TPRG1: variants seen among roughly 807,000 people sequenced by gnomAD.
The protein encoded by TPRG1 is tumor protein p63-regulated gene 1 protein.
In TPRG1, 29 loss-of-function variants were observed where a neutral mutation model predicts 29.3. The observed-to-expected ratio is 0.99, with a 90% CI of 0.74 to 1.35. The LOEUF (loss-of-function observed/expected upper bound fraction) is 1.35, where lower values mean the gene tolerates loss of function less well. TPRG1 is among the 40% of genes most tolerant of loss of function. The pLI, the probability that TPRG1 is intolerant of heterozygous loss-of-function variation, is 0.00. For synonymous variants in TPRG1, 130 were observed against 116.8 expected (o/e 1.11, Z -0.73); for missense variants, 327 against 335.0 (o/e 0.98, Z 0.19).
At chr3:189,201,735 C>T (rs890724782) in intron 1 of TPRG1, among the ~76,000 whole-genome samples, 2 of 152,016 alleles carry the variant, frequency 1.3e-5, no homozygotes, top group South Asian at 2.1e-4. Context: ...CTGCAACCTC[C>T]GCCTCCCAGG....
chr3:189,026,277 CAG>C (rs546905710), intron 4 of TPRG1, among the ~76,000 whole-genome samples: 3 of 152,056 alleles, frequency 2.0e-5, no homozygotes, highest in Non-Finnish European at 4.4e-5. Context: ...GAGAAAACGA[CAG>C]AGAGAGAGAG....
At chr3:189,262,048 GA>G (rs1171619146) in intron 4 of TPRG1, among the ~76,000 whole-genome samples, 1 of 152,068 alleles carries the variant, frequency 6.6e-6, no homozygotes, top group Non-Finnish European at 1.5e-5. Context: ...AAAAAGATAA[GA>G]ATGGTGACAA....
intron 3 of TPRG1, among the ~76,000 whole-genome samples, chr3:189,005,885 T>C (rs538127979): frequency 6.6e-6 from 1 of 152,152 alleles, no homozygotes; most frequent in South Asian, 2.1e-4. Context: ...AAAGGCACTA[T>C]ACAAAACAGG....
intron 4 of TPRG1, among the ~76,000 whole-genome samples, chr3:189,033,665 C>G (rs1304013945): frequency 6.6e-6 from 1 of 151,746 alleles, no homozygotes; most frequent in Non-Finnish European, 1.5e-5. Context: ...CTGCAAGCTC[C>G]ACCTCCCGGG....
At chr3:189,117,615 T>C (rs1195710910) in intron 1 of TPRG1, among the ~76,000 whole-genome samples, 3 of 152,190 alleles carry the variant, frequency 2.0e-5, no homozygotes, top group Non-Finnish European at 2.9e-5. Flanking sequence ...AGGGACCCCA[T>C]GGGAGGTAAT....
At chr3:189,139,921 G>A (rs949439051) in intron 3 of TPRG1, among the ~76,000 whole-genome samples, 11 of 152,146 alleles carry the variant, frequency 7.2e-5, no homozygotes, top group Non-Finnish European at 1.6e-4. Context: ...TCCGTGCAGA[G>A]CAGAGAACCC....
intron 4 of TPRG1, among the ~76,000 whole-genome samples, chr3:189,049,233 A>G (rs1715157794): frequency 6.6e-6 from 1 of 152,232 alleles, no homozygotes; most frequent in African/African-American, 2.4e-5. Context: ...GCTGGGAGGC[A>G]GATAGCCTCA....
chr3:189,040,663 C>A (rs184320180), intron 4 of TPRG1, among the ~76,000 whole-genome samples: 8 of 152,288 alleles, frequency 5.3e-5, no homozygotes, highest in African/African-American at 1.9e-4. Context: ...ATGGAAAAAA[C>A]CCCTTTCTCC....
intron 2 of TPRG1, among the ~76,000 whole-genome samples, chr3:189,128,140 C>T (rs1010446875): frequency 6.6e-6 from 1 of 152,122 alleles, no homozygotes; most frequent in Non-Finnish European, 1.5e-5. Context: ...TGCACAATTG[C>T]AAGATGAGTC....
At chr3:189,001,896 GT>G (rs1712041624) in intron 2 of TPRG1, among the ~76,000 whole-genome samples, 1 of 152,188 alleles carries the variant, frequency 6.6e-6, no homozygotes, top group African/African-American at 2.4e-5. Flanking sequence ...GTGTGTTGCT[GT>G]TTTACTTATC....
At chr3:189,164,503 C>T (rs1727899772) in intron 5 of TPRG1, among the ~76,000 whole-genome samples, 1 of 152,030 alleles carries the variant, frequency 6.6e-6, no homozygotes, top group African/African-American at 2.4e-5. Context: ...TGGCTCGAAA[C>T]ACAGTTGTGA....
At chr3:189,065,598 A>G (rs1716386555) in intron 4 of TPRG1, among the ~76,000 whole-genome samples, 1 of 152,138 alleles carries the variant, frequency 6.6e-6, no homozygotes, top group South Asian at 2.1e-4. Context: ...CAGAAAAAAT[A>G]TTTCACAATA....
In TPRG1 at chr3:189,034,244, T is replaced by A. The variant is rs148437369; in HGVS notation, c.-463+10298T>A. Among the ~76,000 whole-genome samples, 390 of 152,276 alleles carry A rather than the reference T, an allele frequency of 2.6e-3. 2 individuals are homozygous for A. Among genetic ancestry groups the A allele is most frequent in the African/African-American group, 8.2e-3 (343 of 41,576 alleles). On this transcript the variant is annotated intron_variant, in intron 4 of 10. Coordinates refer to the TPRG1 transcript ENST00000433971. ...AAGGAGGAATTACAATAAATATAAA[T>A]GAATTATCTTACCAGTCAAAATCAA...
At chr3:189,018,172 T>C (rs1478406969) in intron 3 of TPRG1, among the ~76,000 whole-genome samples, 4 of 150,458 alleles carry the variant, frequency 2.7e-5, no homozygotes, top group South Asian at 2.1e-4. Context: ...TTCTCCCATT[T>C]TGTAGGTTGC....
intron 4 of TPRG1, among the ~76,000 whole-genome samples, chr3:189,073,330 C>T (rs1440389451): frequency 6.6e-6 from 1 of 152,150 alleles, no homozygotes; most frequent in Admixed American, 6.5e-5. Context: ...CTCTTTTGTT[C>T]GGTCCTGTTA....
At chr3:189,263,275 T>G (rs1462504241) in intron 4 of TPRG1, among the ~76,000 whole-genome samples, 1 of 152,158 alleles carries the variant, frequency 6.6e-6, no homozygotes, top group Non-Finnish European at 1.5e-5. Context: ...GAAATTTTGG[T>G]ATTGTGATCA....
chr3:189,265,806 G>C (rs1367598183), intron 4 of TPRG1, among the ~76,000 whole-genome samples: 2 of 152,188 alleles, frequency 1.3e-5, no homozygotes, highest in African/African-American at 4.8e-5. Context: ...ATGGCAGAGT[G>C]GGGAGCGGGA....
At chr3:189,315,749 G>T in intron 5 of TPRG1, 1 of 239,698 alleles carries the variant, frequency 4.2e-6, no homozygotes, top group Non-Finnish European at 8.5e-6. Flanking sequence ...TACTTACCTG[G>T]CAGTGACCAT....
intron 4 of TPRG1, among the ~76,000 whole-genome samples, chr3:189,262,183 G>A (rs1163979489): frequency 1.4e-5 from 2 of 141,692 alleles, no homozygotes; most frequent in Non-Finnish European, 3.1e-5. Flanking sequence ...GAAAAAGAGA[G>A]CATGGGTCTG....
Sources: gnomAD v4.1 joint callset for allele counts (sites outside exome capture counted in the v4.1 genomes callset) on GRCh38, gnomAD v4.1.1 for gene constraint, MANE v1.5 for transcripts, NCBI Gene and HGNC (gene_info 2026-07-23, HGNC 2026-07-21) for gene names.